The following KHDRBS2 variants were observed in gnomAD, a reference collection of about 807,000 sequenced individuals.
KHDRBS2 encodes KH domain-containing, RNA-binding, signal transduction-associated protein 2.
A neutral mutation model predicts 44.3 loss-of-function variants in KHDRBS2; 26 were observed. That is an observed-to-expected ratio of 0.59 (90% CI 0.43 to 0.81). The LOEUF is 0.81. KHDRBS2 is among the 40% of genes least tolerant of loss of function. The pLI is 0.00. For synonymous variants in KHDRBS2, 194 were observed against 151.1 expected, an observed-to-expected ratio of 1.28 and a Z score of -2.08; for missense variants, 476 against 433.1, an observed-to-expected ratio of 1.10 and a Z score of -0.88.
intron 2 of KHDRBS2, among the ~76,000 whole-genome samples, chr6:62,088,590 GC>G (rs1798869286): frequency 6.6e-6 from 1 of 152,118 alleles, no homozygotes; most frequent in South Asian, 2.1e-4. Context: ...TCCCAGAGGG[GC>G]ACCTGCCAGA....
chr6:61,611,176 A>G, the KHDRBS2 span, among the ~76,000 whole-genome samples: 1 of 152,234 alleles, frequency 6.6e-6, no homozygotes, highest in Non-Finnish European at 1.5e-5. Flanking sequence ...AAATCAAGCA[A>G]TTGGGACAGG....
At chr6:62,186,841 A>G (rs1823531666) in intron 1 of KHDRBS2, among the ~76,000 whole-genome samples, 1 of 152,112 alleles carries the variant, frequency 6.6e-6, no homozygotes, top group Non-Finnish European at 1.5e-5. Context: ...TTAAAAGAAT[A>G]AAACATTTTA....
At chr6:62,063,042 A>G (rs1792432490) in intron 2 of KHDRBS2, among the ~76,000 whole-genome samples, 1 of 149,186 alleles carries the variant, frequency 6.7e-6, no homozygotes, top group Non-Finnish European at 1.5e-5. Context: ...AAATGGATAC[A>G]TTCCTCGACA....
At chr6:61,641,739 G>C in the KHDRBS2 span, among the ~76,000 whole-genome samples, 2 of 152,084 alleles carry the variant, frequency 1.3e-5, no homozygotes, top group African/African-American at 2.4e-5. Context: ...ATAGTGGTCT[G>C]TACTTACAAT....
At chr6:61,964,476 T>G (rs1562540555) in intron 4 of KHDRBS2, among the ~76,000 whole-genome samples, 1 of 152,040 alleles carries the variant, frequency 6.6e-6, no homozygotes, top group Admixed American at 6.6e-5. Context: ...CACTGTCAAC[T>G]TATATGTCTC....
At chr6:61,717,545 T>C (rs746554674) in intron 7 of KHDRBS2, among the ~76,000 whole-genome samples, 4 of 152,064 alleles carry the variant, frequency 2.6e-5, no homozygotes, top group Non-Finnish European at 4.4e-5. Context: ...TCATAGACTA[T>C]AGCATTGAGA....
At chr6:61,638,407 A>G in the KHDRBS2 span, among the ~76,000 whole-genome samples, 1 of 152,136 alleles carries the variant, frequency 6.6e-6, no homozygotes, top group South Asian at 2.1e-4. Flanking sequence ...GCAATGGGGA[A>G]AGGATTCCCT....
chr6:62,146,441 AGT>A (rs1467878406), intron 2 of KHDRBS2, among the ~76,000 whole-genome samples: 1 of 151,106 alleles, frequency 6.6e-6, no homozygotes, highest in Non-Finnish European at 1.5e-5. Flanking sequence ...CTTATTTTTA[AGT>A]AGCTACTTTA....
chr6:61,769,950 T>C (rs1219648556), intron 6 of KHDRBS2, among the ~76,000 whole-genome samples: 1 of 152,176 alleles, frequency 6.6e-6, no homozygotes, highest in Non-Finnish European at 1.5e-5. Context: ...AGGGGTGGAC[T>C]GACACCTCAC....
chr6:61,954,838 A>ATG lies in KHDRBS2; in HGVS notation c.483+23226_483+23227dup, dbSNP rs1343201038. ...CATGTGTATATACACATGCATATGT[A>ATG]TGTATACATATGCATGTGTATATAC... is the stretch of plus-strand genomic sequence containing the variant. On this transcript the variant is annotated intron_variant, in intron 4 of 8. Transcript: ENST00000281156. Among the ~76,000 whole-genome samples the ATG allele has an allele frequency of 4.0e-5, 2 of 49,960 alleles. 1 individual carries two copies. Among genetic ancestry groups the ATG allele is most frequent in the Non-Finnish European group, 7.4e-5 (2 of 27,176 alleles). 32.8% of individuals were successfully genotyped at this position (49,960 alleles called of 152,430 possible).
In KHDRBS2 at chr6:62,136,201, T is replaced by A. The variant is rs202018586; in HGVS notation, c.219+40984A>T. Among the ~76,000 whole-genome samples, 22 of 152,306 alleles carry A rather than the reference T, an allele frequency of 1.4e-4. No homozygotes were observed. The East Asian group carries it at 4.2e-3, about 29-fold the overall frequency. On this transcript the variant is annotated intron_variant, in intron 2 of 8. Transcript: ENST00000281156. ...GATACCTTAAATACATACAATAAAA[T>A]TTTTTAAATGTGTACATTAGAAAAA...
intron 1 of KHDRBS2, among the ~76,000 whole-genome samples, chr6:62,227,450 G>T (rs765039339): frequency 9.9e-5 from 15 of 152,038 alleles, no homozygotes; most frequent in Non-Finnish European, 2.9e-5. Context: ...TTCTAAATAT[G>T]TAATCATATC....
At chr6:61,749,092 A>C (rs1777281577) in intron 6 of KHDRBS2, among the ~76,000 whole-genome samples, 1 of 144,016 alleles carries the variant, frequency 6.9e-6, no homozygotes, top group Non-Finnish European at 1.5e-5. Flanking sequence ...GGCTCACTGC[A>C]AACTCCGCCT....
intron 3 of KHDRBS2, among the ~76,000 whole-genome samples, chr6:62,040,539 T>C (rs1786249070): frequency 6.6e-6 from 1 of 152,008 alleles, no homozygotes; most frequent in Admixed American, 6.6e-5. Context: ...AAGACTTGAG[T>C]AGCTGATCAC....
At chr6:61,621,063 G>A in the KHDRBS2 span, among the ~76,000 whole-genome samples, 1 of 152,156 alleles carries the variant, frequency 6.6e-6, no homozygotes, top group Admixed American at 6.5e-5. Context: ...TATAGAAGCA[G>A]TTCGAGAAAG....
chr6:61,621,755 G>A, the KHDRBS2 span, among the ~76,000 whole-genome samples: 3,725 of 152,292 alleles, frequency 0.024, 71 homozygotes, highest in Middle Eastern at 0.088. Flanking sequence ...CATGGCAAAA[G>A]TGGTAAGATG....
rs188242123 is a variant in KHDRBS2 at position 62,228,409 on chromosome 6, C to T, written c.92-51097G>A. Among the ~76,000 whole-genome samples, 673 of 151,786 alleles carry T rather than the reference C, an allele frequency of 4.4e-3. 9 individuals are homozygous for T. Among genetic ancestry groups the T allele is most frequent in the African/African-American group, 0.015 (640 of 41,364 alleles). On this transcript the variant is annotated intron_variant, in intron 1 of 8. Coordinates refer to ENST00000281156, the MANE Select transcript of KHDRBS2 (RefSeq NM_152688.4). ...TTTATTGTGTCTATTTGATCCTTTT[C>T]TCTTCTCTTCTTTATTAGTCTAGCT...
At chr6:62,194,150 C>A (rs1274031507) in intron 1 of KHDRBS2, among the ~76,000 whole-genome samples, 2 of 151,988 alleles carry the variant, frequency 1.3e-5, no homozygotes, top group Non-Finnish European at 1.5e-5. Context: ...ACTGCCTAAC[C>A]CATAGTGGCA....
chr6:62,125,063 G>A (rs569339048), intron 2 of KHDRBS2, among the ~76,000 whole-genome samples: 13 of 152,146 alleles, frequency 8.5e-5, no homozygotes, highest in Non-Finnish European at 1.3e-4. Context: ...TGTCCTTTAC[G>A]CACTTATTAA....
Sources: allele counts gnomAD v4.1 joint callset (sites outside exome capture counted in the v4.1 genomes callset), GRCh38; gene constraint gnomAD v4.1.1; transcripts MANE v1.5; gene names NCBI Gene and HGNC (gene_info 2026-07-23, HGNC 2026-07-21).